The following TXNRD1 variants were observed in gnomAD, a reference collection of about 807,000 sequenced individuals.
The protein encoded by TXNRD1 is thioredoxin reductase 1, cytoplasmic.
TXNRD1 carries 57 observed loss-of-function variants against 80.3 expected under a neutral mutation model. That is an observed-to-expected ratio of 0.71 (90% confidence interval 0.57 to 0.89). The LOEUF (loss-of-function observed/expected upper bound fraction) is 0.89. TXNRD1 is among the 40% of genes least tolerant of loss of function. TXNRD1 has a pLI of 0.00. For synonymous variants in TXNRD1, 291 were observed against 285.2 expected, an observed-to-expected ratio of 1.02 and a Z score of -0.20; for missense variants, 730 against 803.0, an observed-to-expected ratio of 0.91 and a Z score of 1.10.
chr12:104,320,832 AACTG>A (rs1172898836), intron 9 of TXNRD1, among the ~76,000 whole-genome samples: 1 of 152,206 alleles, frequency 6.6e-6, no homozygotes, highest in South Asian at 2.1e-4. Context: ...GAATTGGACT[AACTG>A]ACTAATATCA....
intron 12 of TXNRD1, 49 bp downstream of exon 12, chr12:104,326,472 T>G: frequency 7.8e-7 from 1 of 1,285,170 alleles, no homozygotes; most frequent in Non-Finnish European, 1.1e-6. Flanking sequence ...TTTTTTTTTT[T>G]TTTTTTTTTT....
At chr12:104,256,916 C>T (rs995630353) in intron 2 of TXNRD1, among the ~76,000 whole-genome samples, 24 of 148,524 alleles carry the variant, frequency 1.6e-4, no homozygotes, top group African/African-American at 5.7e-4. Flanking sequence ...TACTTCCATA[C>T]AATAGGAAGT....
chr12:104,323,978 C>T (rs376345169), intron 10 of TXNRD1, among the ~76,000 whole-genome samples: 35 of 152,222 alleles, frequency 2.3e-4, no homozygotes, highest in African/African-American at 8.4e-4. Context: ...ATAAAGTGAC[C>T]GAATGGAAGG....
intron 10 of TXNRD1, 73 bp from the exon 11 acceptor site, chr12:104,325,264 A>G (rs1485566260): frequency 8.5e-7 from 1 of 1,177,186 alleles, no homozygotes; most frequent in African/African-American, 1.5e-5. Context: ...GGTTAACCAG[A>G]TGGAAGGGGA....
At chr12:104,318,874 GA>G (rs1235059705) in intron 7 of TXNRD1, 38 bp from the exon 8 acceptor site, 3 of 1,587,856 alleles carry the variant, frequency 1.9e-6, no homozygotes, top group African/African-American at 2.7e-5. Context: ...GCCAGCAGTT[GA>G]AAAGCCAAAC....
intron 3 of TXNRD1, among the ~76,000 whole-genome samples, chr12:104,284,778 T>C (rs936434048): frequency 6.6e-6 from 1 of 152,160 alleles, no homozygotes; most frequent in African/African-American, 2.4e-5. Flanking sequence ...ACATTTCAGA[T>C]GAGCTTTGAA....
At chr12:104,331,245 A>G (rs1336406265) in intron 13 of TXNRD1, among the ~76,000 whole-genome samples, 1 of 152,162 alleles carries the variant, frequency 6.6e-6, no homozygotes, top group African/African-American at 2.4e-5. Flanking sequence ...TAAGGGGAAA[A>G]AAGTGTGTCA....
intron 1 of TXNRD1, among the ~76,000 whole-genome samples, chr12:104,232,083 A>G (rs906790285): frequency 6.6e-6 from 1 of 152,224 alleles, no homozygotes; most frequent in African/African-American, 2.4e-5. Flanking sequence ...AAGTGCAGCA[A>G]GAATGGTTAT....
intron 1 of TXNRD1, among the ~76,000 whole-genome samples, chr12:104,232,222 T>C (rs1438770652): frequency 6.6e-6 from 1 of 152,138 alleles, no homozygotes; most frequent in Admixed American, 6.6e-5. Flanking sequence ...GTGATCCTCT[T>C]CTCCTTGAGG....
chr12:104,318,429 C>T (rs2035406004), intron 7 of TXNRD1, among the ~76,000 whole-genome samples: 1 of 152,082 alleles, frequency 6.6e-6, no homozygotes, highest in African/African-American at 2.4e-5. Context: ...TAGAAAATAT[C>T]GAAATAAATA....
At chr12:104,287,515 T>G in intron 3 of TXNRD1, 1 of 1,595,604 alleles carries the variant, frequency 6.3e-7, no homozygotes, top group Non-Finnish European at 8.5e-7. Flanking sequence ...TTGAGAATAT[T>G]AAGAAAGTAT....
intron 4 of TXNRD1, among the ~76,000 whole-genome samples, chr12:104,297,446 A>G (rs1192985678): frequency 6.6e-6 from 1 of 151,564 alleles, no homozygotes; most frequent in Admixed American, 6.6e-5. Flanking sequence ...GTTCACTGCA[A>G]TCTCCGCCTC....
At chr12:104,337,745 T>C (rs2036186679) in intron 15 of TXNRD1, among the ~76,000 whole-genome samples, 1 of 151,908 alleles carries the variant, frequency 6.6e-6, no homozygotes, top group South Asian at 2.1e-4. Context: ...TCTTGCACTA[T>C]TTATCCTCAA....
chr12:104,263,261 G>A (rs1242881635), intron 3 of TXNRD1, among the ~76,000 whole-genome samples: 1 of 152,212 alleles, frequency 6.6e-6, no homozygotes, highest in Non-Finnish European at 1.5e-5. Context: ...TAAAAACATA[G>A]TAAAGTATTA....
chr12:104,276,156 C>T lies in TXNRD1; in HGVS notation c.305-12775C>T, dbSNP rs147933599. ...ACATTTGAAGGCGGAATGGCTTAAA[C>T]GGCCCTGAATACAAGATAGGAAGAG... On this transcript the variant is annotated intron_variant, in intron 3 of 16. Coordinates refer to ENST00000525566, the MANE Select transcript of TXNRD1 (RefSeq NM_001093771.3). Among the ~76,000 whole-genome samples the T allele has an allele frequency of 2.1e-4, 32 of 152,232 alleles. 1 individual carries two copies. The East Asian group carries it at 2.9e-3, about 14-fold the overall frequency.
chr12:104,286,949 G>A (rs887007079), intron 3 of TXNRD1: 7 of 1,212,306 alleles, frequency 5.8e-6, no homozygotes, highest in Non-Finnish European at 7.3e-6. Flanking sequence ...TTCTGACTCT[G>A]GCAGTTAGCC....
chr12:104,252,993 C>T (rs182223783), intron 2 of TXNRD1, among the ~76,000 whole-genome samples: 16 of 152,016 alleles, frequency 1.1e-4, no homozygotes, highest in African/African-American at 3.4e-4. Context: ...TGAGCCACCG[C>T]GCCCGGCCGA....
chr12:104,311,998 A>ATG (rs1382047729), intron 5 of TXNRD1, among the ~76,000 whole-genome samples: 1 of 40,490 alleles, frequency 2.5e-5, no homozygotes, highest in Admixed American at 2.8e-4. Context: ...ATATATATAT[A>ATG]TATGTGTATA....
chr12:104,268,196 T>C lies in TXNRD1; in HGVS notation c.304+10117T>C, dbSNP rs373018047. Among the ~76,000 whole-genome samples the C allele has an allele frequency of 8.8e-3, 1,327 of 151,518 alleles. 8 individuals carry two copies. The highest frequency in any genetic ancestry group is 0.014 in the Non-Finnish European group (927 of 67,856). On this transcript the variant is annotated intron_variant, in intron 3 of 16. Coordinates refer to ENST00000525566, the MANE Select transcript of TXNRD1 (RefSeq NM_001093771.3). ...CTGTCTCTCTCTTTCTTTCTTTTATTTTTTATTTTTATTTTTTGAAATGGA... is the reference window on the plus strand; with the variant it reads ...CTGTCTCTCTCTTTCTTTCTTTTATCTTTTATTTTTATTTTTTGAAATGGA...
Sources: gnomAD v4.1 joint callset for allele counts (sites outside exome capture counted in the v4.1 genomes callset) on GRCh38, gnomAD v4.1.1 for gene constraint, MANE v1.5 for transcripts, NCBI Gene and HGNC (gene_info 2026-07-23, HGNC 2026-07-21) for gene names.